Variants in STARD9 observed in about 807,000 individuals in gnomAD.
STARD9 encodes the protein StAR related lipid transfer domain containing 9, also known as stAR-related lipid transfer protein 9.
STARD9 carries 346 observed loss-of-function variants against 399.8 expected under a neutral mutation model. The observed-to-expected ratio is 0.87, with a 90% confidence interval of 0.79 to 0.95. The LOEUF (loss-of-function observed/expected upper bound fraction) is 0.95. Among genes scored for constraint, STARD9 ranks in the 40% least tolerant of loss-of-function variants. STARD9 has a pLI of 0.00. For synonymous variants in STARD9, 2,203 were observed against 2,143.5 expected (o/e 1.03, Z -0.77); for missense variants, 5,832 against 5,667.5 (o/e 1.03, Z -0.93).
At chr15:42,607,366 C>G (rs2058752017) in intron 3 of STARD9, among the ~76,000 whole-genome samples, 1 of 151,556 alleles carries the variant, frequency 6.6e-6, no homozygotes, top group Non-Finnish European at 1.5e-5. Flanking sequence ...CCATGCGCGG[C>G]TAATTTTTAT....
Position 42,665,781 on chromosome 15 carries a change from T to G in STARD9, c.1255-5T>G, listed in dbSNP as rs779817732. ...ATATCAAAGCACATCTCTATCTTTG[T>G]GCAGAGAAACTTCAGTTCATTGAGT... On this transcript the variant is annotated splice_region_variant and splice_polypyrimidine_tract_variant and intron_variant, in intron 14 of 32. Transcript: ENST00000290607. 2 of 1,537,058 alleles carry G rather than the reference T, an allele frequency of 1.3e-6. No homozygotes were observed. The highest frequency in any genetic ancestry group is 2.4e-5 in the South Asian group (2 of 84,058).
chr15:42,710,637 G>A (rs866181945), intron 26 of STARD9, among the ~76,000 whole-genome samples: 1 of 152,192 alleles, frequency 6.6e-6, no homozygotes, highest in African/African-American at 2.4e-5. Context: ...GATTGTGTTA[G>A]TTTCTTAGAA....
At chr15:42,710,310 G>A (rs567244799) in intron 26 of STARD9, among the ~76,000 whole-genome samples, 3 of 152,114 alleles carry the variant, frequency 2.0e-5, no homozygotes, top group South Asian at 4.2e-4. Flanking sequence ...GGATCTGCCC[G>A]CCTGAGCCTC....
intron 3 of STARD9, among the ~76,000 whole-genome samples, chr15:42,613,518 C>A (rs919822697): frequency 9.2e-5 from 14 of 152,274 alleles, no homozygotes; most frequent in African/African-American, 3.4e-4. Context: ...ATTTATATTT[C>A]TGTGCCTCAG....
chr15:42,694,530 A>C lies in STARD9; in HGVS notation c.12767A>C (p.Gln4256Pro). 6.5e-7 allele frequency: 1 copy of C among 1,536,370 alleles called. No homozygotes were observed. The highest frequency in any genetic ancestry group is 8.7e-7 in the Non-Finnish European group (1 of 1,146,256). Reference sequence around the variant, plus strand: ...CAGCGAATCGTGTTTTGCCTCAGGCAAAAAAAGGCCATTGAGACCCTCAGG... The same window carrying C: ...CAGCGAATCGTGTTTTGCCTCAGGCCAAAAAAGGCCATTGAGACCCTCAGG... Reference protein sequence around the residue: ...TSTWKELYARQKKAIETLRRE... With the variant: ...TSTWKELYARPKKAIETLRRE... The change falls in exon 24 of 33, where the codon CAA becomes CCA. Residue 4256 changes from glutamine to proline, a missense_variant and splice_region_variant. Transcript: ENST00000290607.
chr15:42,581,137 C>G (rs1443098712), intron 1 of STARD9: 1 of 739,256 alleles, frequency 1.4e-6, no homozygotes, highest in African/African-American at 1.7e-5. Context: ...AGATGCCCAT[C>G]TCCAACTGAG....
intron 3 of STARD9, among the ~76,000 whole-genome samples, chr15:42,588,794 T>G (rs1566854612): frequency 2.0e-4 from 5 of 24,544 alleles, no homozygotes; most frequent in African/African-American, 3.5e-4. Context: ...TTTTTTTTTT[T>G]TTTTTTTTTT....
chr15:42,587,904 G>A (rs1208003625), intron 3 of STARD9, among the ~76,000 whole-genome samples: 2 of 152,124 alleles, frequency 1.3e-5, no homozygotes, highest in Non-Finnish European at 2.9e-5. Context: ...GTGTGTATGA[G>A]GCATCTGGTT....
chr15:42,653,915 A>G (rs1474191808), intron 9 of STARD9, among the ~76,000 whole-genome samples: 1 of 152,206 alleles, frequency 6.6e-6, no homozygotes, highest in African/African-American at 2.4e-5. Context: ...ATTGTCATAT[A>G]TGAAAATAAC....
rs1359317969 is a variant in STARD9, at chr15:42,720,062, GAA to G, written c.*490_*491del. 1.3e-5 allele frequency: 2 copies of G among 153,502 alleles called. No individual in the cohort carries two copies. Among genetic ancestry groups the G allele is most frequent in the Admixed American group, 1.3e-4 (2 of 15,340 alleles). 9.5% of individuals were successfully genotyped at this position (153,502 alleles called of 1,614,324 possible). A position where few individuals can be genotyped will look rare whatever the true frequency, so the allele number is the denominator to read the frequency against. On this transcript the variant is annotated 3_prime_UTR_variant, in exon 33 of 33. Transcript: ENST00000290607. ...ATGGGACGTTAAAAATACCAAAACAGAAAGAGGGTTTAAAAAACAGCTGCACA... is the reference window on the plus strand; with the variant it reads ...ATGGGACGTTAAAAATACCAAAACAGAGAGGGTTTAAAAAACAGCTGCACA...
At position 42,677,089 on chromosome 15, in the gene STARD9, T is replaced by TAAAAA. The variant is rs869040683; in HGVS notation, c.1874+1138_1874+1142dup. Among the ~76,000 whole-genome samples the TAAAAA allele has an allele frequency of 9.3e-5, 5 of 53,604 alleles. 1 individual carries two copies. Among genetic ancestry groups the TAAAAA allele is most frequent in the African/African-American group, 2.6e-4 (3 of 11,554 alleles). The allele number at this position is 53,604 out of a possible 152,430, so 35.2% of individuals were successfully genotyped here. ...AACATGGTGAAACCCCGTCTCTACT[T>TAAAAA]AAAAAAAAAAAAAAAAAAAAAAAAA... is the stretch of plus-strand genomic sequence containing the variant. On this transcript the variant is annotated intron_variant, in intron 20 of 32. Coordinates refer to ENST00000290607, the MANE Select transcript of STARD9 (RefSeq NM_020759.3).
intron 20 of STARD9, among the ~76,000 whole-genome samples, chr15:42,678,040 T>A (rs1048913603): frequency 1.3e-5 from 2 of 152,158 alleles, no homozygotes; most frequent in Non-Finnish European, 2.9e-5. Context: ...TCAAGGCCTC[T>A]CCCACCCACT....
At chr15:42,660,581 A>G (rs1401488333) in intron 9 of STARD9, among the ~76,000 whole-genome samples, 2 of 150,768 alleles carry the variant, frequency 1.3e-5, no homozygotes, top group African/African-American at 4.9e-5. Flanking sequence ...AAAAACAGAC[A>G]AACAAAAAAA....
At chr15:42,639,348 C>G (rs1302152003) in intron 7 of STARD9, among the ~76,000 whole-genome samples, 1 of 152,152 alleles carries the variant, frequency 6.6e-6, no homozygotes, top group Non-Finnish European at 1.5e-5. Context: ...ATGGCATGGC[C>G]TCTACTGGTT....
In STARD9 at chr15:42,601,400, C is replaced by T. The variant is rs189897944; in HGVS notation, c.234+15763C>T. Among the ~76,000 whole-genome samples, 1,400 of 152,046 alleles carry T rather than the reference C, an allele frequency of 9.2e-3. 26 individuals are homozygous for T. Among genetic ancestry groups the T allele is most frequent in the African/African-American group, 0.032 (1,334 of 41,508 alleles). ...TTGGGTACACCTCCCGACGGGGTGG[C>T]GGCCGGGCAGAGGGGCTCCTCACTT... On this transcript the variant is annotated intron_variant, in intron 3 of 32. Transcript: ENST00000290607.
At chr15:42,588,266 G>A (rs561457413) in intron 3 of STARD9, among the ~76,000 whole-genome samples, 3 of 152,042 alleles carry the variant, frequency 2.0e-5, no homozygotes, top group Non-Finnish European at 2.9e-5. Context: ...TTGAGTATGA[G>A]TTTGGTTGTG....
rs577186934 is a variant in STARD9 at position 42,665,293 on chromosome 15, T to C, written c.1217T>C (p.Ile406Thr). The C allele has an allele frequency of 3.5e-4, 537 of 1,537,154 alleles. No homozygotes were observed. The highest frequency in any genetic ancestry group is 4.4e-4 in the Non-Finnish European group (509 of 1,146,834). ...CTGATTAGAGAACTCAGAGAAGAGA[T>C]TGAAAGACTGAAAGCCCTGCTGCTG... ...LKLIRELREEIERLKALLLSF... is the reference protein window; with the variant it reads ...LKLIRELREETERLKALLLSF... Residue 406 changes from isoleucine to threonine, a missense_variant, in exon 14 of 33, where the codon ATT becomes ACT. Ile to Thr is a moderately conservative substitution (Grantham distance 89). Coordinates refer to ENST00000290607, the MANE Select transcript of STARD9 (RefSeq NM_020759.3).
At chr15:42,646,561 A>G (rs753040380) in intron 7 of STARD9, among the ~76,000 whole-genome samples, 2 of 152,188 alleles carry the variant, frequency 1.3e-5, no homozygotes, top group Non-Finnish European at 2.9e-5. Flanking sequence ...CCTTCATAGC[A>G]TTGAAGGGAA....
intron 16 of STARD9, chr15:42,672,884 G>A (rs2060228866): frequency 6.6e-6 from 1 of 152,220 alleles, no homozygotes; most frequent in South Asian, 2.1e-4. Flanking sequence ...GATCACCTGA[G>A]GTGAGGAGTT....
Sources: allele counts gnomAD v4.1 joint callset (sites outside exome capture counted in the v4.1 genomes callset), GRCh38; gene constraint gnomAD v4.1.1; transcripts MANE v1.5; gene names NCBI Gene and HGNC (gene_info 2026-07-23, HGNC 2026-07-21).